CTNND2: variants seen among roughly 807,000 people sequenced by gnomAD.
CTNND2 encodes the protein catenin delta 2, also known as catenin delta-2.
Under a neutral mutation model 144.4 loss-of-function variants are expected in CTNND2, and 22 were observed. That is an observed-to-expected ratio of 0.15 (90% CI 0.11 to 0.22). The LOEUF (loss-of-function observed/expected upper bound fraction) is 0.22, where lower values mean the gene tolerates loss of function less well. CTNND2 is among the 10% of genes least tolerant of loss of function. The pLI is 1.00. For missense variants in CTNND2, 1,353 were observed against 1,618.8 expected (o/e 0.84, Z 2.82); for synonymous variants, 751 against 695.6 (o/e 1.08, Z -1.25).
intron 9 of CTNND2, among the ~76,000 whole-genome samples, chr5:11,344,059 G>T (rs189991615): frequency 1.6e-4 from 24 of 152,276 alleles, no homozygotes; most frequent in Middle Eastern, 3.4e-3. Flanking sequence ...TGTCTTAAAA[G>T]AATTACTATA....
At chr5:11,510,573 G>A (rs1771539296) in intron 3 of CTNND2, among the ~76,000 whole-genome samples, 1 of 152,084 alleles carries the variant, frequency 6.6e-6, no homozygotes, top group South Asian at 2.1e-4. Context: ...ATATTTGTAG[G>A]TGGCATTAAA....
At chr5:11,880,791 C>A (rs1736026094) in intron 1 of CTNND2, among the ~76,000 whole-genome samples, 1 of 41,432 alleles carries the variant, frequency 2.4e-5, no homozygotes, top group Non-Finnish European at 4.7e-5. Context: ...ATCACCACTA[C>A]TACTACTCTA....
At chr5:11,507,329 C>T (rs1422909726) in intron 3 of CTNND2, among the ~76,000 whole-genome samples, 4 of 152,150 alleles carry the variant, frequency 2.6e-5, no homozygotes, top group Non-Finnish European at 5.9e-5. Context: ...TGGAAAAATA[C>T]CACCACACAT....
intron 2 of CTNND2, among the ~76,000 whole-genome samples, chr5:11,648,119 T>A (rs978069677): frequency 6.6e-6 from 1 of 151,968 alleles, no homozygotes; most frequent in African/African-American, 2.4e-5. Flanking sequence ...TAATTTTCTG[T>A]CTCTCTGTCA....
At chr5:11,764,970 C>A (rs1206848206) in intron 1 of CTNND2, among the ~76,000 whole-genome samples, 15 of 152,144 alleles carry the variant, frequency 9.9e-5, no homozygotes, top group Non-Finnish European at 2.1e-4. Context: ...TTATCAAGTT[C>A]CATTGGCCAT....
intron 2 of CTNND2, among the ~76,000 whole-genome samples, chr5:11,596,686 T>G (rs1418984277): frequency 1.3e-5 from 2 of 152,122 alleles, no homozygotes; most frequent in East Asian, 3.9e-4. Flanking sequence ...GCTGGAACAT[T>G]TTGTCCTTTA....
At position 11,022,755 on chromosome 5, in the gene CTNND2, A is replaced by T. The variant is rs1485904820; in HGVS notation, c.2999+14T>A. On this transcript the variant is annotated intron_variant, in intron 17 of 21. Transcript: ENST00000304623. ...TTTACCAGGACAGAGATATGGCGTCACCAGGTAACTTACTTATCTCCTTTG... is the reference window on the plus strand; with the variant it reads ...TTTACCAGGACAGAGATATGGCGTCTCCAGGTAACTTACTTATCTCCTTTG... 8 of 1,607,998 alleles carry T rather than the reference A, an allele frequency of 5.0e-6. No individual in the cohort carries two copies. The African/African-American group carries it at 5.3e-5, about 11-fold the overall frequency.
At chr5:11,268,950 T>A (rs1745730792) in intron 9 of CTNND2, among the ~76,000 whole-genome samples, 1 of 152,216 alleles carries the variant, frequency 6.6e-6, no homozygotes, top group Admixed American at 6.5e-5. Context: ...GAATGTTAGT[T>A]AACAAAACTG....
chr5:11,525,227 C>T (rs1017536398), intron 3 of CTNND2, among the ~76,000 whole-genome samples: 10 of 152,032 alleles, frequency 6.6e-5, no homozygotes, highest in African/African-American at 2.4e-4. Flanking sequence ...CATCCTTAGC[C>T]CAACTCACAG....
chr5:11,022,637 T>C, intron 17 of CTNND2, 132 bp downstream of exon 17: 4 of 714,706 alleles, frequency 5.6e-6, no homozygotes, highest in Non-Finnish European at 9.6e-6. Flanking sequence ...CATTTGCCAT[T>C]TTCCTTCTCT....
chr5:11,865,597 C>T (rs897398355), intron 1 of CTNND2, among the ~76,000 whole-genome samples: 4 of 151,984 alleles, frequency 2.6e-5, no homozygotes, highest in Non-Finnish European at 4.4e-5. Flanking sequence ...AGAAAATACC[C>T]GCCAAATGCA....
chr5:11,868,224 C>T (rs963670752), intron 1 of CTNND2, among the ~76,000 whole-genome samples: 11 of 152,062 alleles, frequency 7.2e-5, no homozygotes, highest in Non-Finnish European at 1.3e-4. Flanking sequence ...CTAAGACCTG[C>T]GGCTGGACTC....
intron 7 of CTNND2, among the ~76,000 whole-genome samples, chr5:11,368,272 T>A (rs762496479): frequency 6.6e-6 from 1 of 152,170 alleles, no homozygotes; most frequent in Non-Finnish European, 1.5e-5. Context: ...ATTTGCTGTA[T>A]AAGAACTACC....
chr5:11,254,815 G>A (rs1360304333), intron 9 of CTNND2, among the ~76,000 whole-genome samples: 6 of 152,056 alleles, frequency 3.9e-5, no homozygotes, highest in Non-Finnish European at 8.8e-5. Context: ...GAATTATCTG[G>A]CCCAAAATCT....
At chr5:11,456,323 T>G (rs1224894068) in intron 3 of CTNND2, among the ~76,000 whole-genome samples, 2 of 152,030 alleles carry the variant, frequency 1.3e-5, no homozygotes, top group African/African-American at 4.8e-5. Flanking sequence ...ATGCTTTTTT[T>G]TTTTTTGGTG....
intron 2 of CTNND2, among the ~76,000 whole-genome samples, chr5:11,616,220 A>G (rs1348300164): frequency 2.0e-5 from 3 of 152,172 alleles, no homozygotes; most frequent in Non-Finnish European, 4.4e-5. Context: ...CGCTACAAAA[A>G]TGATCACTTT....
At chr5:11,757,803 T>C (rs1334577626) in intron 1 of CTNND2, among the ~76,000 whole-genome samples, 2 of 151,994 alleles carry the variant, frequency 1.3e-5, no homozygotes, top group African/African-American at 4.8e-5. Flanking sequence ...ATTTCTCTTA[T>C]AGCACTTTAC....
At chr5:11,716,103 C>T (rs895012602) in intron 2 of CTNND2, among the ~76,000 whole-genome samples, 2 of 152,182 alleles carry the variant, frequency 1.3e-5, no homozygotes, top group African/African-American at 2.4e-5. Context: ...CCAACATGAG[C>T]ATGGGGTATC....
At chr5:11,258,787 C>A (rs906317213) in intron 9 of CTNND2, among the ~76,000 whole-genome samples, 5 of 152,178 alleles carry the variant, frequency 3.3e-5, no homozygotes, top group African/African-American at 1.2e-4. Context: ...GTTTAGATTT[C>A]ATAAAGTCTT....
Sources: gnomAD v4.1 joint callset for allele counts (sites outside exome capture counted in the v4.1 genomes callset) on GRCh38, gnomAD v4.1.1 for gene constraint, MANE v1.5 for transcripts, NCBI Gene and HGNC (gene_info 2026-07-23, HGNC 2026-07-21) for gene names.